KCNU1: variants seen among roughly 807,000 people sequenced by gnomAD.
The protein encoded by KCNU1 is potassium channel subfamily U member 1.
KCNU1 carries 93 observed loss-of-function variants against 126.8 expected under a neutral mutation model. The ratio of observed to expected loss-of-function variants is 0.73; its 90% confidence interval spans 0.62 to 0.87. The LOEUF (loss-of-function observed/expected upper bound fraction) is 0.87. Among genes scored for constraint, KCNU1 ranks in the 40% least tolerant of loss-of-function variants. KCNU1 has a pLI of 0.00. For missense variants in KCNU1, 1,330 were observed against 1,367.1 expected (o/e 0.97, Z 0.43); for synonymous variants, 523 against 494.2 (o/e 1.06, Z -0.77).
In KCNU1 at chr8:36,911,026, C is replaced by A. The variant is rs1263985562; in HGVS notation, c.2428C>A (p.Gln810Lys). 1.2e-6 allele frequency: 2 copies of A among 1,613,728 alleles called. No individual in the cohort carries two copies. Among genetic ancestry groups the A allele is most frequent in the Middle Eastern group, 1.6e-4 (1 of 6,062 alleles). Reference protein sequence around the residue: ...LSPPPQPSSNQTLVDTEAIMA... With the variant: ...LSPPPQPSSNKTLVDTEAIMA... Reference sequence around the variant, plus strand: ...CCCCCCACCCCAGCCATCAAGCAACCAGACTTTGGTAGACACAGAAGCCAT... The same window carrying A: ...CCCCCCACCCCAGCCATCAAGCAACAAGACTTTGGTAGACACAGAAGCCAT... The change falls in exon 22 of 27, where the codon CAG becomes AAG. Residue 810 changes from glutamine to lysine, a missense_variant. Around this residue, in one of 3 missense-constraint regions of KCNU1, gnomAD observed 1,054 missense variants for 1,053.9 expected, o/e 1.00. Transcript: ENST00000399881.
At position 36,879,191 on chromosome 8, in the gene KCNU1, A is replaced by ATGTG. The variant is rs767490761; in HGVS notation, c.2009+14688_2009+14691dup. 1.7e-4 allele frequency among the ~76,000 whole-genome samples: 19 copies of ATGTG among 114,974 alleles called. 1 individual carries two copies. The highest frequency in any genetic ancestry group is 4.2e-4 in the African/African-American group (13 of 31,142). 75.4% of individuals were successfully genotyped at this position (114,974 alleles called of 152,430 possible). A position where few individuals can be genotyped will look rare whatever the true frequency, so the allele number is the denominator to read the frequency against. ...ACTTGTGCAATTCAGGCATATATGT[A>ATGTG]TGTGTGTGTGTGTGTGTGTGTATAT... On this transcript the variant is annotated intron_variant, in intron 19 of 26. Transcript: ENST00000399881.
Position 36,908,112 on chromosome 8 carries a change from T to A in KCNU1, c.2107-1199T>A, listed in dbSNP as rs368666675. 2.3e-4 allele frequency among the ~76,000 whole-genome samples: 35 copies of A among 152,304 alleles called. 1 individual carries two copies. Among genetic ancestry groups the A allele is most frequent in the African/African-American group, 7.7e-4 (32 of 41,588 alleles). The stretch of plus-strand genomic sequence containing the variant: ...CTGACTCCGAGTCCAGGGTTTTTTC[T>A]GTTACATCCCAGTGCTGTTAAGAGG... On this transcript the variant is annotated intron_variant, in intron 20 of 26. Coordinates refer to ENST00000399881, the MANE Select transcript of KCNU1 (RefSeq NM_001031836.3).
At chr8:36,877,206 G>A (rs1054550418) in intron 19 of KCNU1, among the ~76,000 whole-genome samples, 3 of 152,074 alleles carry the variant, frequency 2.0e-5, no homozygotes, top group Non-Finnish European at 2.9e-5. Flanking sequence ...AGAATCAAGT[G>A]AGGAAGATGT....
intron 2 of KCNU1, among the ~76,000 whole-genome samples, chr8:36,801,586 A>T (rs1355307697): frequency 1.3e-5 from 2 of 152,084 alleles, no homozygotes; most frequent in Non-Finnish European, 1.5e-5. Flanking sequence ...TAAGAGAAAA[A>T]ATGTACATAA....
chr8:36,837,893 T>G (rs1445682667), intron 14 of KCNU1, among the ~76,000 whole-genome samples: 1 of 147,218 alleles, frequency 6.8e-6, no homozygotes, highest in Non-Finnish European at 1.5e-5. Flanking sequence ...TTGACCTCTC[T>G]TTGCTCGCTC....
intron 10 of KCNU1, among the ~76,000 whole-genome samples, chr8:36,830,331 T>C (rs972882494): frequency 6.6e-6 from 1 of 151,930 alleles, no homozygotes; most frequent in East Asian, 1.9e-4. Context: ...ATTAAAGATA[T>C]CTTTTTTATT....
In KCNU1 at chr8:36,910,984, A is replaced by G; in HGVS notation, c.2386A>G (p.Met796Val). Residue 796 changes from methionine to valine, a missense_variant, in exon 22 of 27, where the codon ATG becomes GTG. Physicochemically the swap from Met to Val is conservative, Grantham distance 21. Transcript: ENST00000399881. ...LHAANIEQCSMCAVLSPPPQP... is the reference protein window; with the variant it reads ...LHAANIEQCSVCAVLSPPPQP... ...TGCGGCCAACATAGAGCAATGCTCC[A>G]TGTGTGCTGTCTTGTCCCCCCCACC... The G allele has an allele frequency of 6.2e-7, 1 of 1,613,628 alleles. No homozygotes were observed. Among genetic ancestry groups the G allele is most frequent in the Non-Finnish European group, 8.5e-7 (1 of 1,179,740 alleles).
intron 13 of KCNU1, 45 bp from the exon 14 acceptor site, chr8:36,836,748 G>A (rs759918181): frequency 1.3e-6 from 2 of 1,563,438 alleles, no homozygotes; most frequent in Non-Finnish European, 8.8e-7. Context: ...CTTTCTTGAG[G>A]TGTGTTTATT....
At position 36,918,889 on chromosome 8, in the gene KCNU1, C is replaced by T. The variant is rs1808228704; in HGVS notation, c.2588C>T (p.Thr863Ile). ...AACTGCCGAAAAGTCCCTATCCTTA[C>T]TGAACTGAGTAAGTGGTGTTTCGAG... Reference protein sequence around the residue: ...KSNCRKVPILTELKNPSNIHF... With the variant: ...KSNCRKVPILIELKNPSNIHF... The change falls in exon 23 of 27, where the codon ACT (threonine) becomes ATT (isoleucine). Residue 863 changes from threonine (T) to isoleucine (I), a missense_variant. Thr to Ile is a moderately conservative substitution (Grantham distance 89). This residue lies in a region of KCNU1 where 1,054 missense variants were observed against 1,053.9 expected (regional missense o/e 1.00). Coordinates refer to ENST00000399881, the MANE Select transcript of KCNU1 (RefSeq NM_001031836.3). 1.9e-6 allele frequency: 3 copies of T among 1,598,050 alleles called. No homozygotes were observed. Among genetic ancestry groups the T allele is most frequent in the Non-Finnish European group, 2.6e-6 (3 of 1,165,594 alleles).
intron 19 of KCNU1, among the ~76,000 whole-genome samples, chr8:36,868,172 G>A (rs1318178385): frequency 1.3e-5 from 2 of 152,094 alleles, no homozygotes; most frequent in African/African-American, 4.8e-5. Context: ...GGTGACTTAC[G>A]TACCGTGTTA....
chr8:36,927,043 C>G (rs539929034), intron 24 of KCNU1, among the ~76,000 whole-genome samples: 1 of 152,230 alleles, frequency 6.6e-6, no homozygotes, highest in South Asian at 2.1e-4. Context: ...TAGTGCTCTT[C>G]CACCTTTCTC....
chr8:36,875,947 A>G (rs891428716), intron 19 of KCNU1, among the ~76,000 whole-genome samples: 1 of 152,072 alleles, frequency 6.6e-6, no homozygotes, highest in Non-Finnish European at 1.5e-5. Context: ...CTTTTTTCTC[A>G]CTTGACTTCT....
At chr8:36,825,435 A>G (rs1804282732) in intron 10 of KCNU1, among the ~76,000 whole-genome samples, 1 of 152,196 alleles carries the variant, frequency 6.6e-6, no homozygotes, top group East Asian at 1.9e-4. Context: ...TTTAAGTTTT[A>G]TGACAAATTT....
chr8:36,879,209 GTGTATATATATATATA>G (rs1244252169), intron 19 of KCNU1, among the ~76,000 whole-genome samples: 5 of 86,684 alleles, frequency 5.8e-5, no homozygotes, highest in East Asian at 6.5e-4. Context: ...GTGTGTGTGT[GTGTATATATATATATA>G]TATATATATA....
chr8:36,836,410 AT>A, intron 13 of KCNU1, 45 bp downstream of exon 13: 1 of 1,296,630 alleles, frequency 7.7e-7, no homozygotes, highest in African/African-American at 1.5e-5. Context: ...TTTTATCTAT[AT>A]AGCTAGACGA....
chr8:36,935,371 A>G, intron 26 of KCNU1, 144 bp from the exon 27 acceptor site: 1 of 648,692 alleles, frequency 1.5e-6, no homozygotes, highest in Non-Finnish European at 2.7e-6. Context: ...GCTATTTACT[A>G]TTAATCAGAA....
chr8:36,798,380 C>A (rs1294533977), intron 2 of KCNU1, among the ~76,000 whole-genome samples: 5 of 152,086 alleles, frequency 3.3e-5, no homozygotes, highest in African/African-American at 1.2e-4. Flanking sequence ...AATATTTTAC[C>A]CCAAAACATG....
At chr8:36,845,338 C>G (rs1003182761) in intron 16 of KCNU1, among the ~76,000 whole-genome samples, 1 of 152,178 alleles carries the variant, frequency 6.6e-6, no homozygotes, top group African/African-American at 2.4e-5. Context: ...GCCGCAGGTC[C>G]GCTGTGTGTT....
intron 24 of KCNU1, 121 bp from the exon 25 acceptor site, chr8:36,930,830 T>C: frequency 3.4e-6 from 2 of 582,022 alleles, no homozygotes; most frequent in South Asian, 6.3e-5. Flanking sequence ...TGAGAAACAC[T>C]GTTCTACACC....
Sources: gnomAD v4.1 joint callset for allele counts (sites outside exome capture counted in the v4.1 genomes callset) on GRCh38, gnomAD v4.1.1 for gene constraint, gnomAD v4.1.1 regional missense constraint, MANE v1.5 for transcripts, NCBI Gene and HGNC (gene_info 2026-07-23, HGNC 2026-07-21) for gene names.